ACSS2: variants seen among roughly 807,000 people sequenced by gnomAD.
ACSS2 encodes acetyl-coenzyme A synthetase, cytoplasmic.
In ACSS2, 58 loss-of-function variants were observed where a neutral mutation model predicts 90.6. The observed-to-expected ratio is 0.64, with a 90% CI of 0.52 to 0.80. The LOEUF is 0.80. Ranked by LOEUF, ACSS2 falls within the 30% of genes least tolerant of loss-of-function variation. The pLI is 0.00. For missense variants in ACSS2, 759 were observed against 912.0 expected (o/e 0.83, Z 2.16); for synonymous variants, 300 against 330.9 (o/e 0.91, Z 1.01).
intron 1 of ACSS2, among the ~76,000 whole-genome samples, chr20:34,879,496 GACACACACACACAC>G (rs11467604): frequency 4.1e-5 from 6 of 147,896 alleles, no homozygotes; most frequent in Non-Finnish European, 8.9e-5. Flanking sequence ...TCCAGATTCT[GACACACACACACAC>G]ACACACACAC....
chr20:34,927,358 CCAGG>C lies in ACSS2; in HGVS notation c.*145_*148del. On this transcript the variant is annotated 3_prime_UTR_variant, in exon 18 of 18. Transcript: ENST00000360596. The surrounding 1 kb of genome is among the most constrained non-coding windows in gnomAD (Gnocchi z 4.2). Reference sequence around the variant, plus strand: ...CTGGGACCGGAAACCAGCTTTGTCTCCAGGTAGAGACAACATCCTGTGACTGCCA... The same window carrying C: ...CTGGGACCGGAAACCAGCTTTGTCTCTAGAGACAACATCCTGTGACTGCCA... The C allele has an allele frequency of 4.4e-6, 5 of 1,139,420 alleles. No homozygotes were observed. Among genetic ancestry groups the C allele is most frequent in the Non-Finnish European group, 6.3e-6 (5 of 790,226 alleles). 70.6% of individuals were successfully genotyped at this position (1,139,420 alleles called of 1,614,324 possible).
In ACSS2 at chr20:34,876,806, C is replaced by T. The variant is rs1442118622; in HGVS notation, c.161C>T (p.Ser54Phe). ...CGCTACCGCGAGCTGCACCGGCGCT[C>T]CGTGGAGGAGCCGCGGGGTGAGGCC... is the stretch of plus-strand genomic sequence containing the variant. ...LQRYRELHRRSVEEPREFWGD... is the reference protein window; with the variant it reads ...LQRYRELHRRFVEEPREFWGD... Residue 54 changes from serine to phenylalanine, a missense_variant, in exon 1 of 18, where the codon TCC becomes TTC. By Grantham distance (155) the Ser-to-Phe change is radical. Coordinates refer to ENST00000360596, the MANE Select transcript of ACSS2 (RefSeq NM_018677.4). 2.3e-6 allele frequency: 3 copies of T among 1,316,166 alleles called. No individual in the cohort carries two copies. The highest frequency in any genetic ancestry group is 2.1e-5 in the South Asian group (1 of 46,614). 81.5% of individuals were successfully genotyped at this position (1,316,166 alleles called of 1,614,324 possible). A position where few individuals can be genotyped will look rare whatever the true frequency, so the allele number is the denominator to read the frequency against.
chr20:34,914,530 C>CAGT, intron 7 of ACSS2, 93 bp downstream of exon 7: 1 of 1,125,292 alleles, frequency 8.9e-7, no homozygotes, highest in African/African-American at 1.6e-5. Flanking sequence ...GCCTGCTCAT[C>CAGT]AGTATACTGA....
chr20:34,879,200 G>A (rs898736312), intron 1 of ACSS2, among the ~76,000 whole-genome samples: 13 of 151,960 alleles, frequency 8.6e-5, no homozygotes, highest in Admixed American at 2.0e-4. Context: ...CACCGCGCCC[G>A]GCCTCTGCTT....
At chr20:34,884,191 C>A (rs545451336) in intron 2 of ACSS2, among the ~76,000 whole-genome samples, 2 of 152,314 alleles carry the variant, frequency 1.3e-5, no homozygotes, top group East Asian at 3.9e-4. Flanking sequence ...AACTCCTGAA[C>A]TCAAGCGATC....
chr20:34,918,396 G>C (rs897357221), intron 7 of ACSS2, among the ~76,000 whole-genome samples: 1 of 152,208 alleles, frequency 6.6e-6, no homozygotes, highest in Non-Finnish European at 1.5e-5. Context: ...CTCAAAATTG[G>C]TGTTCAAAGA....
intron 8 of ACSS2, among the ~76,000 whole-genome samples, chr20:34,920,053 A>G (rs1464654459): frequency 6.6e-6 from 1 of 151,984 alleles, no homozygotes; most frequent in African/African-American, 2.4e-5. Flanking sequence ...CCTTCTGCCC[A>G]CTCCACCCCT....
chr20:34,922,009 A>G, intron 13 of ACSS2, 143 bp downstream of exon 13: 1 of 1,446,572 alleles, frequency 6.9e-7, no homozygotes, highest in Non-Finnish European at 9.1e-7. Context: ...TCACTGAGAG[A>G]CCCTGGAGGG....
chr20:34,920,676 T>A lies in ACSS2; in HGVS notation c.1110T>A (p.Tyr370Ter). ...GWITGHSYVT[Y>*]GPLANGATSV... is the part of the protein sequence containing the mutation. ...TCACTGGTCATTCCTACGTCACCTA[T>A]GGGCCACTGGCCAATGGTGCCACCA... The change falls in exon 9 of 18, where the codon TAT (tyrosine) becomes TAA (stop). Residue 370 changes from tyrosine (Y) to a stop codon, truncating the protein, a stop_gained. Coordinates refer to ENST00000360596, the MANE Select transcript of ACSS2 (RefSeq NM_018677.4). LOFTEE classifies it high-confidence loss of function. The A allele has an allele frequency of 1.2e-6, 2 of 1,613,782 alleles. No homozygotes were observed. The highest frequency in any genetic ancestry group is 1.7e-6 in the Non-Finnish European group (2 of 1,179,808).
intron 2 of ACSS2, among the ~76,000 whole-genome samples, chr20:34,907,665 T>G (rs772546587): frequency 6.6e-6 from 1 of 152,222 alleles, no homozygotes; most frequent in Non-Finnish European, 1.5e-5. Context: ...GGGACACATG[T>G]GCTTGGGTAT....
intron 1 of ACSS2, among the ~76,000 whole-genome samples, chr20:34,879,231 A>T (rs1222265893): frequency 1.3e-5 from 2 of 151,694 alleles, no homozygotes; most frequent in Non-Finnish European, 2.9e-5. Flanking sequence ...ACCTCCAGAT[A>T]ATCTAGCTCC....
intron 1 of ACSS2, among the ~76,000 whole-genome samples, chr20:34,880,409 G>A (rs890485210): frequency 5.3e-5 from 8 of 151,612 alleles, no homozygotes; most frequent in African/African-American, 1.9e-4. Context: ...ATGTGCGCCT[G>A]TAGTTCCAGC....
chr20:34,900,941 C>T (rs2080641745), intron 2 of ACSS2, among the ~76,000 whole-genome samples: 1 of 152,092 alleles, frequency 6.6e-6, no homozygotes, highest in African/African-American at 2.4e-5. Flanking sequence ...AGGAGAAGGC[C>T]CTGAACTAGA....
In ACSS2 at chr20:34,926,371, G is replaced by C. The variant is rs1600369698; in HGVS notation, c.1903+90G>C. On this transcript the variant is annotated intron_variant, in intron 16 of 17. Coordinates refer to ENST00000360596, the MANE Select transcript of ACSS2 (RefSeq NM_018677.4). ...TGTTGGGGAGGGGCTAGAGCAAGCTGCTCCCCAAACCACAAACAGATTCCA... is the reference window on the plus strand; with the variant it reads ...TGTTGGGGAGGGGCTAGAGCAAGCTCCTCCCCAAACCACAAACAGATTCCA... The C allele has an allele frequency of 1.3e-5, 19 of 1,433,966 alleles. No individual in the cohort carries two copies. The South Asian group carries it at 2.3e-4, about 17-fold the overall frequency. The allele number at this position is 1,433,966 out of a possible 1,614,324, so 88.8% of individuals were successfully genotyped here.
In ACSS2 at chr20:34,909,274, G is replaced by A. The variant is rs141568600; in HGVS notation, c.375-3822G>A. Among the ~76,000 whole-genome samples the A allele has an allele frequency of 4.1e-3, 617 of 152,044 alleles. 2 individuals are homozygous for A. The highest frequency in any genetic ancestry group is 0.014 in the African/African-American group (584 of 41,450). Reference sequence around the variant, plus strand: ...TCCCAACTGCTCAAGAGGCAGAGGTGGGAGGATCACTTGAGTCTGGGAGGT... The same window carrying A: ...TCCCAACTGCTCAAGAGGCAGAGGTAGGAGGATCACTTGAGTCTGGGAGGT... On this transcript the variant is annotated intron_variant, in intron 2 of 17. Coordinates refer to ENST00000360596, the MANE Select transcript of ACSS2 (RefSeq NM_018677.4).
At chr20:34,883,638 G>A (rs2080121042) in intron 2 of ACSS2, among the ~76,000 whole-genome samples, 1 of 152,128 alleles carries the variant, frequency 6.6e-6, no homozygotes, top group South Asian at 2.1e-4. Flanking sequence ...GGAATTCTTA[G>A]TTTCATTTTA....
chr20:34,927,277 C>G lies in ACSS2; in HGVS notation c.*63C>G. 1 of 1,599,530 alleles carries G rather than the reference C, an allele frequency of 6.3e-7. No homozygotes were observed. The highest frequency in any genetic ancestry group is 1.1e-5 in the South Asian group (1 of 90,692). ...CAAACTTTGCCCATCCTCTTTGCCCCCTCAGGAGTGCTGAGGGCCAGTGTT... is the reference window on the plus strand; with the variant it reads ...CAAACTTTGCCCATCCTCTTTGCCCGCTCAGGAGTGCTGAGGGCCAGTGTT... On this transcript the variant is annotated 3_prime_UTR_variant, in exon 18 of 18. Coordinates refer to ENST00000360596, the MANE Select transcript of ACSS2 (RefSeq NM_018677.4). The surrounding 1 kb of genome is among the most constrained non-coding windows in gnomAD (Gnocchi z 4.2).
intron 2 of ACSS2, among the ~76,000 whole-genome samples, chr20:34,896,349 C>T (rs1010259915): frequency 1.3e-5 from 2 of 152,196 alleles, no homozygotes; most frequent in East Asian, 1.9e-4. Context: ...CCAGACTGAG[C>T]CCACTGTAGG....
In ACSS2 at chr20:34,882,775, G is replaced by A. The variant is rs1216526003; in HGVS notation, c.179-19G>A. The A allele has an allele frequency of 3.1e-6, 5 of 1,609,870 alleles. No homozygotes were observed. Among genetic ancestry groups the A allele is most frequent in the Non-Finnish European group, 4.2e-6 (5 of 1,177,946 alleles). On this transcript the variant is annotated intron_variant, in intron 1 of 17. Transcript: ENST00000360596. ...GTCTCAGAAGATTAATGATATCTGG[G>A]CTTCCATTTCTGTTGCAGAATTCTG...
Sources: gnomAD v4.1 joint callset for allele counts (sites outside exome capture counted in the v4.1 genomes callset) on GRCh38, gnomAD v4.1.1 for gene constraint, Gnocchi (gnomAD v3.1) non-coding constraint, MANE v1.5 for transcripts, NCBI Gene and HGNC (gene_info 2026-07-23, HGNC 2026-07-21) for gene names.